Variants in IGHMBP2 observed in about 807,000 individuals in gnomAD.
The protein encoded by IGHMBP2 is DNA-binding protein SMUBP-2.
In IGHMBP2, 81 loss-of-function variants were observed where a neutral mutation model predicts 96.0. The ratio of observed to expected loss-of-function variants is 0.84; its 90% CI spans 0.71 to 1.01. The LOEUF (loss-of-function observed/expected upper bound fraction) is 1.01. IGHMBP2 is among the 50% of genes least tolerant of loss of function. IGHMBP2 has a pLI of 0.00. For synonymous variants in IGHMBP2, 557 were observed against 548.9 expected, an observed-to-expected ratio of 1.01 and a Z score of -0.21; for missense variants, 1,227 against 1,306.3, an observed-to-expected ratio of 0.94 and a Z score of 0.94.
At chr11:68,930,779 C>T (rs533453307) in intron 8 of IGHMBP2, among the ~76,000 whole-genome samples, 19 of 152,228 alleles carry the variant, frequency 1.2e-4, no homozygotes, top group African/African-American at 3.6e-4. Context: ...GGTCATCCGT[C>T]GAGTGTTCAG....
At chr11:68,938,130 A>AG (rs770682708) in intron 13 of IGHMBP2, 52 bp from the exon 14 acceptor site, 10 of 1,593,810 alleles carry the variant, frequency 6.3e-6, no homozygotes, top group Non-Finnish European at 7.7e-6. Flanking sequence ...ACCTTAAATG[A>AG]GGGGCCAGGT....
chr11:68,930,735 G>T (rs1023930288), intron 8 of IGHMBP2, among the ~76,000 whole-genome samples: 2 of 152,206 alleles, frequency 1.3e-5, no homozygotes, highest in Non-Finnish European at 2.9e-5. Flanking sequence ...TGTTAGAACA[G>T]CTCAGAGTAG....
chr11:68,917,760 A>G lies in IGHMBP2; in HGVS notation c.937A>G (p.Lys313Glu), dbSNP rs533031017. The change falls in exon 7 of 15, where the codon AAG becomes GAG. Residue 313 changes from lysine (K) to glutamate (E), a missense_variant. By Grantham distance (56) the Lys-to-Glu change is moderately conservative. This residue lies in a region of IGHMBP2 where 507 missense variants were observed against 496.9 expected (regional missense o/e 1.02). Transcript: ENST00000255078. The part of the protein sequence containing the change: ...VFVKNKKTQD[K>E]REKSNFRNEI... ...GGTGAAAAACAAAAAGACCCAGGAT[A>G]AGAGAGAGAAAAGTAATTTTCGAAA... 4 of 1,612,838 alleles carry G rather than the reference A, an allele frequency of 2.5e-6. No individual in the cohort carries two copies. The African/African-American group carries it at 4.0e-5, about 16-fold the overall frequency.
rs137852670 is a variant in IGHMBP2, at chr11:68,929,229, C to T, written c.1107C>T (p.Phe369=). Residue 369 remains phenylalanine, a synonymous_variant, in exon 8 of 15, where the codon TTC becomes TTT. Transcript: ENST00000255078. ...TGAAGTTGCTGCCCGAGAGCTACTTCGACGTGGTGGTCATTGACGAGTGTG... is the reference window on the plus strand; with the variant it reads ...TGAAGTTGCTGCCCGAGAGCTACTTTGACGTGGTGGTCATTGACGAGTGTG... The part of the protein sequence containing the change: ...GPLKLLPESY[F]DVVVIDECAQ... The T allele has an allele frequency of 3.1e-6, 5 of 1,613,686 alleles. No individual in the cohort carries two copies. In the East Asian group the frequency reaches 6.7e-5, roughly 22 times the overall value.
intron 5 of IGHMBP2, among the ~76,000 whole-genome samples, chr11:68,913,157 A>T (rs965934578): frequency 2.6e-4 from 39 of 151,708 alleles, no homozygotes; most frequent in African/African-American, 9.2e-4. Flanking sequence ...GGCAGAGCGC[A>T]GGGAAGCCTG....
At chr11:68,919,967 A>G (rs929922078) in intron 7 of IGHMBP2, among the ~76,000 whole-genome samples, 1 of 152,222 alleles carries the variant, frequency 6.6e-6, no homozygotes, top group Non-Finnish European at 1.5e-5. Context: ...GTAGTACAGT[A>G]GCATTAATTG....
chr11:68,906,221 G>A lies in IGHMBP2; in HGVS notation c.239G>A (p.Ser80Asn). Residue 80 changes from serine (S) to asparagine (N), a missense_variant, in exon 2 of 15, where the codon AGT becomes AAT. Ser to Asn is a conservative substitution (Grantham distance 46). Coordinates refer to ENST00000255078, the MANE Select transcript of IGHMBP2 (RefSeq NM_002180.3). ...RRYGSAAALP[S>N]NSFTSGDIVG... ...TACGGGTCCGCGGCAGCTCTTCCCA[G>A]TAACAGCTTTACTTCTGGTGTGTGC... The A allele has an allele frequency of 6.2e-7, 1 of 1,614,036 alleles. No homozygotes were observed.
chr11:68,933,553 G>A (rs1030971777), intron 9 of IGHMBP2, 72 bp downstream of exon 9: 6 of 1,507,274 alleles, frequency 4.0e-6, no homozygotes, highest in African/African-American at 1.4e-5. Context: ...CTGTTTCTAC[G>A]CAGCAAGCTA....
chr11:68,912,349 C>A (rs1858472638), intron 5 of IGHMBP2, among the ~76,000 whole-genome samples: 1 of 152,020 alleles, frequency 6.6e-6, no homozygotes, highest in East Asian at 1.9e-4. Flanking sequence ...CCAGTCTGGT[C>A]TCACTCCTGA....
rs760218942 is a variant in IGHMBP2, at chr11:68,938,234, T to G, written c.2664T>G (p.Ser888=). Reference sequence around the variant, plus strand: ...AGGAGGACTTTGAGGCCCTGGTTTCTGCCGCCGTTAAGGCTGATAACACCT... The same window carrying G: ...AGGAGGACTTTGAGGCCCTGGTTTCGGCCGCCGTTAAGGCTGATAACACCT... ...PTEEDFEALV[S]AAVKADNTCG... Residue 888 remains serine, a synonymous_variant, in exon 14 of 15, where the codon TCT becomes TCG. Transcript: ENST00000255078. 6.2e-7 allele frequency: 1 copy of G among 1,614,082 alleles called. No individual in the cohort carries two copies. The highest frequency in any genetic ancestry group is 8.5e-7 in the Non-Finnish European group (1 of 1,180,032).
intron 6 of IGHMBP2, 75 bp downstream of exon 6, chr11:68,915,098 G>A: frequency 1.8e-6 from 2 of 1,131,246 alleles, no homozygotes; most frequent in Non-Finnish European, 2.6e-6. Flanking sequence ...AAATTTATCT[G>A]TCTGCATTCC....
rs183862708 is a variant in IGHMBP2 at position 68,912,036 on chromosome 11, C to T, written c.711+433C>T. Among the ~76,000 whole-genome samples the T allele has an allele frequency of 9.3e-4, 142 of 152,360 alleles. 3 individuals are homozygous for T. Among genetic ancestry groups the T allele is most frequent in the Admixed American group, 2.5e-3 (38 of 15,308 alleles). On this transcript the variant is annotated intron_variant, in intron 5 of 14. Coordinates refer to ENST00000255078, the MANE Select transcript of IGHMBP2 (RefSeq NM_002180.3). Reference sequence around the variant, plus strand: ...AATCAGATAGTCTGGTTAATGGATACGATGCACATGTCCAGTGCACAGATG... The same window carrying T: ...AATCAGATAGTCTGGTTAATGGATATGATGCACATGTCCAGTGCACAGATG...
intron 6 of IGHMBP2, 31 bp downstream of exon 6, chr11:68,915,054 C>T (rs367692860): frequency 1.5e-5 from 23 of 1,570,298 alleles, no homozygotes; most frequent in East Asian, 6.8e-5. Context: ...CCATGTGGGG[C>T]GTGGGCTTCT....
chr11:68,925,829 C>G (rs1859045897), intron 7 of IGHMBP2, among the ~76,000 whole-genome samples: 1 of 152,108 alleles, frequency 6.6e-6, no homozygotes, highest in South Asian at 2.1e-4. Flanking sequence ...TTGAGGGCTC[C>G]TTATATGTGA....
intron 4 of IGHMBP2, among the ~76,000 whole-genome samples, chr11:68,910,078 C>T (rs542365797): frequency 6.6e-6 from 1 of 152,346 alleles, no homozygotes; most frequent in South Asian, 2.1e-4. Flanking sequence ...GGCCAAGCCT[C>T]ATGCAAGGGT....
chr11:68,914,801 G>A (rs1359335607), intron 5 of IGHMBP2, 22 bp from the exon 6 acceptor site: 2 of 1,613,734 alleles, frequency 1.2e-6, no homozygotes, highest in Non-Finnish European at 1.7e-6. Context: ...TAAATGACCA[G>A]ATCCTAACTT....
intron 2 of IGHMBP2, among the ~76,000 whole-genome samples, chr11:68,907,711 C>T (rs1029262214): frequency 3.9e-5 from 6 of 152,076 alleles, no homozygotes; most frequent in African/African-American, 1.4e-4. Context: ...GGAGTCAGAC[C>T]TGAGCAGAGT....
Position 68,935,492 on chromosome 11 carries a change from G to A in IGHMBP2, c.1756+70G>A. 5 of 1,575,492 alleles carry A rather than the reference G, an allele frequency of 3.2e-6. No individual in the cohort carries two copies. In the South Asian group the frequency reaches 5.6e-5, roughly 18 times the overall value. On this transcript the variant is annotated intron_variant, in intron 12 of 14. Transcript: ENST00000255078. ...AATTTATTGATTGAGGGGCATATTG[G>A]GTGTCTGCTGGGTGCCACACTGGTT...
At chr11:68,926,274 T>C (rs901807571) in intron 7 of IGHMBP2, 1 of 147,526 alleles carries the variant, frequency 6.8e-6, no homozygotes, top group African/African-American at 2.5e-5. Context: ...TGCTTTTTTT[T>C]TTTTTTTTTT....
Sources: gnomAD v4.1 joint callset for allele counts (sites outside exome capture counted in the v4.1 genomes callset) on GRCh38, gnomAD v4.1.1 for gene constraint, gnomAD v4.1.1 regional missense constraint, MANE v1.5 for transcripts, NCBI Gene and HGNC (gene_info 2026-07-23, HGNC 2026-07-21) for gene names.